ALDH18A1: variants seen among roughly 807,000 people sequenced by gnomAD.
The protein encoded by ALDH18A1 is aldehyde dehydrogenase 18 family member A1.
ALDH18A1 carries 44 observed loss-of-function variants against 88.8 expected under a neutral mutation model. The observed-to-expected ratio is 0.50, with a 90% confidence interval of 0.39 to 0.64. The LOEUF (loss-of-function observed/expected upper bound fraction) is 0.64. Among genes scored for constraint, ALDH18A1 ranks in the 30% least tolerant of loss-of-function variants. The pLI, the probability that ALDH18A1 is intolerant of heterozygous loss-of-function variation, is 0.00. For missense variants in ALDH18A1, 782 were observed against 1,009.5 expected (o/e 0.77, Z 3.05); for synonymous variants, 331 against 372.1 (o/e 0.89, Z 1.27).
intron 9 of ALDH18A1, among the ~76,000 whole-genome samples, chr10:95,627,050 CTT>C (rs1205777345): frequency 6.6e-6 from 1 of 152,148 alleles, no homozygotes. Context: ...CTGAATTCCA[CTT>C]TGGCGATATT....
intron 7 of ALDH18A1, 69 bp from the exon 8 acceptor site, chr10:95,628,561 C>G: frequency 1.3e-6 from 2 of 1,576,272 alleles, no homozygotes; most frequent in Non-Finnish European, 1.7e-6. Context: ...CTCCCCAGGG[C>G]ACCTGCCAAT....
chr10:95,626,755 C>T lies in ALDH18A1; in HGVS notation c.1100G>A (p.Gly367Glu). 6.2e-7 allele frequency: 1 copy of T among 1,614,016 alleles called. No individual in the cohort carries two copies. Among genetic ancestry groups the T allele is most frequent in the Non-Finnish European group, 8.5e-7 (1 of 1,179,914 alleles). Residue 367 changes from glycine to glutamate, a missense_variant, in exon 10 of 18, where the codon GGA (glycine) becomes GAA (glutamate). Coordinates refer to ENST00000371224, the MANE Select transcript of ALDH18A1 (RefSeq NM_002860.4). ...KPAGPTVEQQ[G>E]EMARSGGRML... is the part of the protein sequence containing the mutation. ...CCTTCCTCCAGATCGCGCCATTTCT[C>T]CCTGCTGCTCAACAGTAGGGCCTGC...
At position 95,611,299 on chromosome 10, in the gene ALDH18A1, G is replaced by C; in HGVS notation, c.2067C>G (p.His689Gln). 1.2e-6 allele frequency: 2 copies of C among 1,614,200 alleles called. No homozygotes were observed. Among genetic ancestry groups the C allele is most frequent in the Non-Finnish European group, 1.7e-6 (2 of 1,180,034 alleles). Reference protein sequence around the residue: ...DNVQDAIDHIHKYGSSHTDVI... With the variant: ...DNVQDAIDHIQKYGSSHTDVI... Reference sequence around the variant, plus strand: ...CATCCGTGTGGGAGCTGCCATACTTGTGGATGTGGTCAATGGCATCCTGAA... The same window carrying C: ...CATCCGTGTGGGAGCTGCCATACTTCTGGATGTGGTCAATGGCATCCTGAA... The change falls in exon 16 of 18, where the codon CAC becomes CAG. Residue 689 changes from histidine to glutamine, a missense_variant. By Grantham distance (24) the His-to-Gln change is conservative (BLOSUM62 0). Around this residue, in one of 3 missense-constraint regions of ALDH18A1, gnomAD observed 556 missense variants for 654.5 expected, o/e 0.85. Coordinates refer to ENST00000371224, the MANE Select transcript of ALDH18A1 (RefSeq NM_002860.4).
chr10:95,618,471 C>T (rs939363996), intron 12 of ALDH18A1, among the ~76,000 whole-genome samples: 2 of 152,146 alleles, frequency 1.3e-5, no homozygotes, highest in Admixed American at 6.5e-5. Context: ...CAGGTCCCAC[C>T]ATGCCAACTA....
rs1275815628 is a variant in ALDH18A1, at chr10:95,656,659, T to G, written c.-91A>C. The G allele has an allele frequency of 6.6e-6, 1 of 152,588 alleles. No homozygotes were observed. The highest frequency in any genetic ancestry group is 1.5e-5 in the Non-Finnish European group (1 of 68,304). 9.5% of individuals were successfully genotyped at this position (152,588 alleles called of 1,614,324 possible). A position where few individuals can be genotyped will look rare whatever the true frequency, so the allele number is the denominator to read the frequency against. Reference sequence around the variant, plus strand: ...CGCGGGTCCGCACTCCACGCCGGGCTGATTCCGGCGCTCGCTCACTCTCTT... The same window carrying G: ...CGCGGGTCCGCACTCCACGCCGGGCGGATTCCGGCGCTCGCTCACTCTCTT... On this transcript the variant is annotated 5_prime_UTR_variant, in exon 1 of 18. Transcript: ENST00000371224.
intron 11 of ALDH18A1, among the ~76,000 whole-genome samples, chr10:95,622,640 C>T (rs1349507072): frequency 6.6e-6 from 1 of 152,166 alleles, no homozygotes; most frequent in Admixed American, 6.5e-5. Flanking sequence ...AGGGTTCAAG[C>T]CATTCTCCTG....
intron 3 of ALDH18A1, among the ~76,000 whole-genome samples, chr10:95,639,321 C>G (rs1213345579): frequency 6.6e-6 from 1 of 151,904 alleles, no homozygotes; most frequent in Non-Finnish European, 1.5e-5. Context: ...CAGAGCAAGA[C>G]CCTCTCTCTA....
chr10:95,648,884 G>C (rs1260961999), intron 2 of ALDH18A1, among the ~76,000 whole-genome samples: 1 of 152,210 alleles, frequency 6.6e-6, no homozygotes. Flanking sequence ...GACCTAAACA[G>C]ACAGTTGTTT....
At chr10:95,616,770 G>A in intron 12 of ALDH18A1, 156 bp from the exon 13 acceptor site, 1 of 1,025,958 alleles carries the variant, frequency 9.7e-7, no homozygotes. Flanking sequence ...AGTGAATTAA[G>A]TGCCTGTTTT....
At chr10:95,609,400 G>A (rs562037276) in intron 17 of ALDH18A1, among the ~76,000 whole-genome samples, 4 of 152,268 alleles carry the variant, frequency 2.6e-5, no homozygotes, top group African/African-American at 9.6e-5. Flanking sequence ...TACCATTGTG[G>A]GGTTTCCTAT....
At position 95,626,745 on chromosome 10, in the gene ALDH18A1, C is replaced by T. The variant is rs558532112; in HGVS notation, c.1110G>A (p.Ala370=). The change falls in exon 10 of 18, where the codon GCG becomes GCA. Residue 370 remains alanine, a synonymous_variant. Coordinates refer to ENST00000371224, the MANE Select transcript of ALDH18A1 (RefSeq NM_002860.4). ...TGGCCAACATCCTTCCTCCAGATCGCGCCATTTCTCCCTGCTGCTCAACAG... is the reference window on the plus strand; with the variant it reads ...TGGCCAACATCCTTCCTCCAGATCGTGCCATTTCTCCCTGCTGCTCAACAG... The part of the protein sequence containing the change: ...GPTVEQQGEM[A]RSGGRMLATL... 37 of 1,613,940 alleles carry T rather than the reference C, an allele frequency of 2.3e-5. No individual in the cohort carries two copies. The highest frequency in any genetic ancestry group is 3.0e-5 in the Non-Finnish European group (35 of 1,179,906).
At chr10:95,621,676 C>T (rs2139571048) in intron 11 of ALDH18A1, among the ~76,000 whole-genome samples, 1 of 152,126 alleles carries the variant, frequency 6.6e-6, no homozygotes, top group South Asian at 2.1e-4. Flanking sequence ...CTTGGGAAGA[C>T]AATGACATGC....
At position 95,626,835 on chromosome 10, in the gene ALDH18A1, C is replaced by A. The variant is rs897714709; in HGVS notation, c.1079-59G>T. 1.3e-5 allele frequency: 20 copies of A among 1,520,074 alleles called. No homozygotes were observed. In the East Asian group the frequency reaches 4.5e-4, roughly 34 times the overall value. The allele number at this position is 1,520,074 out of a possible 1,614,324, so 94.2% of individuals were successfully genotyped here. A position where few individuals can be genotyped will look rare whatever the true frequency, so the allele number is the denominator to read the frequency against. ...CACCTTAGTTCTCTCTCTAGTTCTACTACTAGAGAGAGAACTACCAGCACA... is the reference window on the plus strand; with the variant it reads ...CACCTTAGTTCTCTCTCTAGTTCTAATACTAGAGAGAGAACTACCAGCACA... On this transcript the variant is annotated intron_variant, in intron 9 of 17. Transcript: ENST00000371224.
At chr10:95,655,445 T>G (rs1327521108) in intron 1 of ALDH18A1, among the ~76,000 whole-genome samples, 4 of 152,170 alleles carry the variant, frequency 2.6e-5, no homozygotes, top group Non-Finnish European at 4.4e-5. Flanking sequence ...AACAAAGAAT[T>G]CAACGAATAT....
intron 3 of ALDH18A1, among the ~76,000 whole-genome samples, chr10:95,640,565 C>T (rs1217870392): frequency 2.6e-5 from 4 of 152,286 alleles, no homozygotes; most frequent in African/African-American, 7.2e-5. Flanking sequence ...TAGTCTTGAA[C>T]TCCTGACCTC....
chr10:95,617,109 T>C (rs2097845453), intron 12 of ALDH18A1, among the ~76,000 whole-genome samples: 2 of 152,186 alleles, frequency 1.3e-5, no homozygotes, highest in Admixed American at 1.3e-4. Context: ...TAGCCGGGCA[T>C]GGTGGCAGGT....
At chr10:95,626,836 T>A in intron 9 of ALDH18A1, 60 bp from the exon 10 acceptor site, 29 of 1,502,678 alleles carry the variant, frequency 1.9e-5, no homozygotes, top group Non-Finnish European at 2.7e-5. Context: ...CTAGTTCTAC[T>A]ACTAGAGAGA....
Position 95,627,521 on chromosome 10 carries a change from TG to T in ALDH18A1, c.998del (p.Pro333GlnfsTer24). The T allele has an allele frequency of 6.2e-7, 1 of 1,614,152 alleles. No homozygotes were observed. Among genetic ancestry groups the T allele is most frequent in the Non-Finnish European group, 8.5e-7 (1 of 1,179,982 alleles). The stretch of plus-strand genomic sequence containing the variant: ...CTGTGATGACGTGCCCAGACACCTT[TG>T]GGTGGGTTCCATTGGCAATAACAAC... Reference protein sequence around the residue: ...TSVVIANGTHPKVSGHVITDI... With the variant: ...TSVVIANGTHXKVSGHVITDI... On this transcript the variant is annotated frameshift_variant, in exon 9 of 18. Coordinates refer to ENST00000371224, the MANE Select transcript of ALDH18A1 (RefSeq NM_002860.4). LOFTEE classifies it high-confidence loss of function.
At position 95,609,769 on chromosome 10, in the gene ALDH18A1, A is replaced by ATTTTTTTTTTTTTTTTTTT. The variant is rs55659918; in HGVS notation, c.2206+427_2206+428insAAAAAAAAAAAAAAAAAAA. Among the ~76,000 whole-genome samples the ATTTTTTTTTTTTTTTTTTT allele has an allele frequency of 3.3e-4, 38 of 114,220 alleles. 4 individuals carry two copies. Among genetic ancestry groups the ATTTTTTTTTTTTTTTTTTT allele is most frequent in the Non-Finnish European group, 4.1e-4 (24 of 58,704 alleles). 74.9% of individuals were successfully genotyped at this position (114,220 alleles called of 152,430 possible). A position where few individuals can be genotyped will look rare whatever the true frequency, so the allele number is the denominator to read the frequency against. On this transcript the variant is annotated intron_variant, in intron 17 of 17. Coordinates refer to ENST00000371224, the MANE Select transcript of ALDH18A1 (RefSeq NM_002860.4). ...CCTACCTTGCCAGAAGTCTGTCTCT[A>ATTTTTTTTTTTTTTTTTTT]TTTTTTTTTTTTTTTTGAGATGGTG...
Sources: allele counts gnomAD v4.1 joint callset (sites outside exome capture counted in the v4.1 genomes callset), GRCh38; gene constraint gnomAD v4.1.1; regional missense constraint gnomAD v4.1.1; transcripts MANE v1.5; gene names NCBI Gene and HGNC (gene_info 2026-07-23, HGNC 2026-07-21).